Variants in OLFML2A observed in about 807,000 individuals in gnomAD.
The protein encoded by OLFML2A is olfactomedin-like protein 2A.
OLFML2A carries 47 observed loss-of-function variants against 60.9 expected under a neutral mutation model. The ratio of observed to expected loss-of-function variants is 0.77; its 90% CI spans 0.61 to 0.98. The LOEUF (loss-of-function observed/expected upper bound fraction) is 0.98. Among genes scored for constraint, OLFML2A ranks in the 50% least tolerant of loss-of-function variants. The pLI is 0.00. For missense variants in OLFML2A, 922 were observed against 879.8 expected (o/e 1.05, Z -0.61); for synonymous variants, 372 against 375.0 (o/e 0.99, Z 0.09).
chr9:124,791,960 T>A (rs1841577554), intron 2 of OLFML2A, among the ~76,000 whole-genome samples: 1 of 152,176 alleles, frequency 6.6e-6, no homozygotes, highest in African/African-American at 2.4e-5. Context: ...TTGAGTGGCA[T>A]GGCTGGAAAC....
chr9:124,792,099 G>T (rs1158849002), intron 2 of OLFML2A, among the ~76,000 whole-genome samples: 1 of 152,176 alleles, frequency 6.6e-6, no homozygotes, highest in African/African-American at 2.4e-5. Flanking sequence ...CTTCCTCCTG[G>T]CAGCCTTTCC....
chr9:124,790,779 G>A (rs1001955674), intron 2 of OLFML2A, among the ~76,000 whole-genome samples: 8 of 151,920 alleles, frequency 5.3e-5, no homozygotes, highest in Admixed American at 3.3e-4. Flanking sequence ...GTTCAGTTTG[G>A]CTCCCCCTCT....
At chr9:124,799,685 C>T (rs1161874889) in intron 4 of OLFML2A, among the ~76,000 whole-genome samples, 194 bp downstream of exon 4, 3 of 152,204 alleles carry the variant, frequency 2.0e-5, no homozygotes, top group Non-Finnish European at 4.4e-5. Flanking sequence ...ACAGTCAGCA[C>T]AGGGAATGGG....
chr9:124,790,942 G>GCT (rs1358355716), intron 2 of OLFML2A, among the ~76,000 whole-genome samples: 30 of 152,232 alleles, frequency 2.0e-4, no homozygotes, highest in Admixed American at 2.0e-3. Context: ...GTCCTCCGCA[G>GCT]CATGGCTGTG....
chr9:124,810,361 C>T lies in OLFML2A; in HGVS notation c.1908C>T (p.Tyr636=), dbSNP rs757608633. 15 of 1,602,454 alleles carry T rather than the reference C, an allele frequency of 9.4e-6. No individual in the cohort carries two copies. The East Asian group carries it at 1.1e-4, about 12-fold the overall frequency. ...ACAACCCCAAGGAGCGGGTGCTGTA[C>T]GCCTGGGACAATGGCCACCAGCTCA... The part of the protein sequence containing the change: ...IDYNPKERVL[Y]AWDNGHQLTY... The change falls in exon 8 of 8, where the codon TAC becomes TAT. Residue 636 remains tyrosine, a synonymous_variant. Coordinates refer to ENST00000373580, the MANE Select transcript of OLFML2A (RefSeq NM_182487.4).
chr9:124,780,468 C>A (rs986592760), intron 1 of OLFML2A, among the ~76,000 whole-genome samples: 23 of 152,114 alleles, frequency 1.5e-4, no homozygotes, highest in African/African-American at 5.6e-4. Flanking sequence ...AGCAGGCAGG[C>A]GGTGGTGTCC....
chr9:124,781,755 T>G (rs893193382), intron 1 of OLFML2A, among the ~76,000 whole-genome samples: 1 of 150,996 alleles, frequency 6.6e-6, no homozygotes, highest in African/African-American at 2.4e-5. Context: ...GATCGCGCCA[T>G]TGCACTCCAG....
At chr9:124,786,857 C>A in intron 1 of OLFML2A, 118 bp from the exon 2 acceptor site, 1 of 990,252 alleles carries the variant, frequency 1.0e-6, no homozygotes, top group Non-Finnish European at 1.5e-6. Flanking sequence ...CTCCTACCTG[C>A]CAAACACTCT....
At chr9:124,782,894 A>G (rs1841387673) in intron 1 of OLFML2A, among the ~76,000 whole-genome samples, 1 of 151,860 alleles carries the variant, frequency 6.6e-6, no homozygotes, top group Admixed American at 6.6e-5. Context: ...ACCCACATCT[A>G]CCCGCTAGGC....
rs1023432335 is a variant in OLFML2A at position 124,812,332 on chromosome 9, G to A, written c.*1920G>A. 4.6e-5 allele frequency: 7 copies of A among 152,064 alleles called. No individual in the cohort carries two copies. The highest frequency in any genetic ancestry group is 3.9e-4 in the Admixed American group (6 of 15,250). 9.4% of individuals were successfully genotyped at this position (152,064 alleles called of 1,614,324 possible). On this transcript the variant is annotated 3_prime_UTR_variant, in exon 8 of 8. Coordinates refer to ENST00000373580, the MANE Select transcript of OLFML2A (RefSeq NM_182487.4). The stretch of plus-strand genomic sequence containing the variant: ...CCACCACCACACCCAGCTAATTTTT[G>A]TATTTTTAGTAGAGACAGGGGTTTC...
At chr9:124,785,722 T>C (rs1016038072) in intron 1 of OLFML2A, among the ~76,000 whole-genome samples, 8 of 152,162 alleles carry the variant, frequency 5.3e-5, no homozygotes, top group Non-Finnish European at 1.2e-4. Context: ...TTTTCAATTC[T>C]CTTGGGTATA....
chr9:124,795,371 T>A (rs1021014404), intron 3 of OLFML2A, among the ~76,000 whole-genome samples: 1 of 152,154 alleles, frequency 6.6e-6, no homozygotes, highest in East Asian at 1.9e-4. Flanking sequence ...CACCTGCTGG[T>A]TGTATGAAAG....
chr9:124,779,025 G>A lies in OLFML2A; in HGVS notation c.90+1665G>A. Reference sequence around the variant, plus strand: ...AGCAGTGGGCACTGGCCAACTCTCAGCCTGATTCAGCTCAGGGCATGAAAG... The same window carrying A: ...AGCAGTGGGCACTGGCCAACTCTCAACCTGATTCAGCTCAGGGCATGAAAG... On this transcript the variant is annotated intron_variant, in intron 1 of 7. Transcript: ENST00000373580. This position sits in a 1 kb window ranked among gnomAD's most constrained non-coding sequence, Gnocchi z 4.1. 1 of 902,454 alleles carries A rather than the reference G, an allele frequency of 1.1e-6. No individual in the cohort carries two copies. The highest frequency in any genetic ancestry group is 6.2e-5 in the Admixed American group (1 of 16,154). 55.9% of individuals were successfully genotyped at this position (902,454 alleles called of 1,614,324 possible).
At chr9:124,804,524 G>A (rs1412689318) in intron 6 of OLFML2A, among the ~76,000 whole-genome samples, 182 bp downstream of exon 6, 1 of 152,036 alleles carries the variant, frequency 6.6e-6, no homozygotes, top group Non-Finnish European at 1.5e-5. Context: ...AGGAGTTCAA[G>A]ACCAGCCTGG....
chr9:124,783,329 G>A lies in OLFML2A; in HGVS notation c.91-3646G>A, dbSNP rs147490050. On this transcript the variant is annotated intron_variant, in intron 1 of 7. Transcript: ENST00000373580. ...TCTACAAAAAATACAAAAATTAGCC[G>A]GACATGGTGGCACATGCCTGTAGTC... is the stretch of plus-strand genomic sequence containing the variant. 4.1e-4 allele frequency among the ~76,000 whole-genome samples: 62 copies of A among 152,100 alleles called. 1 individual carries two copies. The East Asian group carries it at 0.01, about 25-fold the overall frequency.
chr9:124,796,866 A>G (rs1218789576), intron 3 of OLFML2A, among the ~76,000 whole-genome samples: 2 of 152,364 alleles, frequency 1.3e-5, no homozygotes, highest in South Asian at 2.1e-4. Flanking sequence ...TAGAGGCCAG[A>G]GATTTGGCTA....
chr9:124,789,087 G>A (rs114073529), intron 2 of OLFML2A, among the ~76,000 whole-genome samples: 1 of 152,032 alleles, frequency 6.6e-6, no homozygotes, highest in South Asian at 2.1e-4. Context: ...ACACCCCCAG[G>A]CTCAGCTAAT....
intron 3 of OLFML2A, among the ~76,000 whole-genome samples, chr9:124,799,072 T>G (rs576642712): frequency 6.6e-6 from 1 of 152,328 alleles, no homozygotes; most frequent in East Asian, 1.9e-4. Flanking sequence ...TATTATCTAT[T>G]TTTTTAATTC....
chr9:124,778,831 C>A, intron 1 of OLFML2A: 1 of 249,198 alleles, frequency 4.0e-6, no homozygotes, highest in Non-Finnish European at 6.4e-6. Context: ...AAAAAACGGA[C>A]AGACCTTGGG....
Sources: gnomAD v4.1 joint callset for allele counts (sites outside exome capture counted in the v4.1 genomes callset) on GRCh38, gnomAD v4.1.1 for gene constraint, Gnocchi (gnomAD v3.1) non-coding constraint, MANE v1.5 for transcripts, NCBI Gene and HGNC (gene_info 2026-07-23, HGNC 2026-07-21) for gene names.